ERCC3: variants seen among roughly 807,000 people sequenced by gnomAD.
The protein encoded by ERCC3 is ERCC excision repair 3, TFIIH core complex helicase subunit.
ERCC3 carries 66 observed loss-of-function variants against 94.2 expected under a neutral mutation model. That is an observed-to-expected ratio of 0.70 (90% CI 0.57 to 0.86). The LOEUF is 0.86. Ranked by LOEUF, ERCC3 falls within the 40% of genes least tolerant of loss-of-function variation. ERCC3 has a pLI of 0.00. For synonymous variants in ERCC3, 349 were observed against 369.1 expected, an observed-to-expected ratio of 0.95 and a Z score of 0.63; for missense variants, 829 against 987.1, an observed-to-expected ratio of 0.84 and a Z score of 2.15.
At chr2:127,269,329 C>T (rs1395199118) in intron 12 of ERCC3, among the ~76,000 whole-genome samples, 1 of 151,578 alleles carries the variant, frequency 6.6e-6, no homozygotes, top group Non-Finnish European at 1.5e-5. Context: ...GTAATTGTTT[C>T]TCAAATCTTA....
At chr2:127,272,808 C>T in intron 11 of ERCC3, 57 bp downstream of exon 11, 1 of 1,020,658 alleles carries the variant, frequency 9.8e-7, no homozygotes, top group Non-Finnish European at 1.6e-6. Flanking sequence ...TCATAGTGTA[C>T]CCCCCAGGTC....
chr2:127,266,880 C>T (rs368035910), intron 12 of ERCC3, among the ~76,000 whole-genome samples: 2 of 151,796 alleles, frequency 1.3e-5, no homozygotes, highest in East Asian at 3.9e-4. Context: ...CCACACTCAG[C>T]TAATTTTTGT....
rs1201322300 is a variant in ERCC3, at chr2:127,280,924, G to A, written c.1343-293C>T. 1 of 505,862 alleles carries A rather than the reference G, an allele frequency of 2.0e-6. No homozygotes were observed. The highest frequency in any genetic ancestry group is 1.9e-5 in the African/African-American group (1 of 51,708). The allele number at this position is 505,862 out of a possible 1,614,324, so 31.3% of individuals were successfully genotyped here. On this transcript the variant is annotated intron_variant, in intron 8 of 14. Coordinates refer to ENST00000285398, the MANE Select transcript of ERCC3 (RefSeq NM_000122.2). This position sits in a 1 kb window ranked among gnomAD's most constrained non-coding sequence, Gnocchi z 6.3. ...CTTGGGTTTCAGGACCACAGAAGCT[G>A]GCTCTAGACAAGAATGACTAGGCAA...
chr2:127,293,812 C>T, intron 1 of ERCC3, 94 bp from the exon 2 acceptor site: 1 of 1,598,996 alleles, frequency 6.3e-7, no homozygotes, highest in Middle Eastern at 1.8e-4. Flanking sequence ...GCCGCAAACT[C>T]CTAGCTAAGA....
At position 127,264,053 on chromosome 2, in the gene ERCC3, A is replaced by G. The variant is rs72845943; in HGVS notation, c.1946-2707T>C. Among the ~76,000 whole-genome samples, 13,945 of 152,202 alleles carry G rather than the reference A, an allele frequency of 0.092. 1,058 individuals are homozygous for G. The highest frequency in any genetic ancestry group is 0.21 in the African/African-American group (8,813 of 41,496). ...AAGGGAATGCTTCCAGCTTTTGCTT[A>G]CTTAGTATGATGTTGGCTGTGAGTT... is the stretch of plus-strand genomic sequence containing the variant. On this transcript the variant is annotated intron_variant, in intron 12 of 14. Transcript: ENST00000285398. This position sits in a 1 kb window ranked among gnomAD's most constrained non-coding sequence, Gnocchi z 4.4.
chr2:127,285,526 A>C (rs1685036667), intron 8 of ERCC3, among the ~76,000 whole-genome samples: 1 of 152,142 alleles, frequency 6.6e-6, no homozygotes, highest in Non-Finnish European at 1.5e-5. Context: ...CCCTGTCTCT[A>C]CTAAAAATAT....
intron 7 of ERCC3, 86 bp from the exon 8 acceptor site, chr2:127,287,103 T>C (rs1427024120): frequency 3.9e-6 from 4 of 1,026,720 alleles, no homozygotes; most frequent in East Asian, 4.9e-5. Flanking sequence ...AGTACAGCAA[T>C]CTAGGAAAAT....
chr2:127,267,759 G>C (rs143737814), intron 12 of ERCC3, among the ~76,000 whole-genome samples: 20 of 152,202 alleles, frequency 1.3e-4, no homozygotes, highest in African/African-American at 4.6e-4. Context: ...TCATTTCCAT[G>C]TTTAGAACTC....
At position 127,277,023 on chromosome 2, in the gene ERCC3, C is replaced by T. The variant is rs1684753640; in HGVS notation, c.1730+2150G>A. ...GTCTCCAAAGCTTCTCCTCCTACAT[C>T]CCTTCTCTCAGGAACCTACTGGAAC... On this transcript the variant is annotated intron_variant, in intron 10 of 14. Transcript: ENST00000285398. This position sits in a 1 kb window ranked among gnomAD's most constrained non-coding sequence, Gnocchi z 5.1. Among the ~76,000 whole-genome samples the T allele has an allele frequency of 6.6e-6, 1 of 152,200 alleles. No homozygotes were observed. Among genetic ancestry groups the T allele is most frequent in the African/African-American group, 2.4e-5 (1 of 41,456 alleles).
Position 127,279,099 on chromosome 2 carries a change from C to T in ERCC3, c.1730+74G>A. ...CTGAGAGAAAAACAAAAAAACAAAACAACAGCCACCTTCTGCACTCTCAAT... is the reference window on the plus strand; with the variant it reads ...CTGAGAGAAAAACAAAAAAACAAAATAACAGCCACCTTCTGCACTCTCAAT... On this transcript the variant is annotated intron_variant, in intron 10 of 14. Transcript: ENST00000285398. The surrounding 1 kb of genome is among the most constrained non-coding windows in gnomAD (Gnocchi z 4.7). 1 of 1,025,316 alleles carries T rather than the reference C, an allele frequency of 9.8e-7. No homozygotes were observed. 63.5% of individuals were successfully genotyped at this position (1,025,316 alleles called of 1,614,324 possible).
chr2:127,271,585 C>T lies in ERCC3; in HGVS notation c.1828-132G>A, dbSNP rs910362857. 1.4e-6 allele frequency: 1 copy of T among 725,912 alleles called. No individual in the cohort carries two copies. Among genetic ancestry groups the T allele is most frequent in the Non-Finnish European group, 2.4e-6 (1 of 412,360 alleles). 45.0% of individuals were successfully genotyped at this position (725,912 alleles called of 1,614,324 possible). A position where few individuals can be genotyped will look rare whatever the true frequency, so the allele number is the denominator to read the frequency against. Reference sequence around the variant, plus strand: ...TTCTCCTCTTTATACCAGGGTCTATCTGATGCAGGCAGAGAGAGGTGAAGC... The same window carrying T: ...TTCTCCTCTTTATACCAGGGTCTATTTGATGCAGGCAGAGAGAGGTGAAGC... On this transcript the variant is annotated intron_variant, in intron 11 of 14. Coordinates refer to ENST00000285398, the MANE Select transcript of ERCC3 (RefSeq NM_000122.2). The surrounding 1 kb of genome is among the most constrained non-coding windows in gnomAD (Gnocchi z 5.0).
chr2:127,286,036 T>C (rs1240676890), intron 8 of ERCC3, among the ~76,000 whole-genome samples: 3 of 152,076 alleles, frequency 2.0e-5, no homozygotes, highest in African/African-American at 4.8e-5. Flanking sequence ...CTATTACATA[T>C]TGACTAAGGA....
chr2:127,279,453 T>A lies in ERCC3; in HGVS notation c.1528-78A>T, dbSNP rs1039817605. 1 of 1,106,430 alleles carries A rather than the reference T, an allele frequency of 9.0e-7. No individual in the cohort carries two copies. Among genetic ancestry groups the A allele is most frequent in the Admixed American group, 1.7e-5 (1 of 57,668 alleles). The allele number at this position is 1,106,430 out of a possible 1,614,324, so 68.5% of individuals were successfully genotyped here. On this transcript the variant is annotated intron_variant, in intron 9 of 14. Transcript: ENST00000285398. The surrounding 1 kb of genome is among the most constrained non-coding windows in gnomAD (Gnocchi z 4.7). ...TTTAAAACTTTTGAAGACCTTTCTCTAGCAGAATTAGCTTTAAAACAAAAC... is the reference window on the plus strand; with the variant it reads ...TTTAAAACTTTTGAAGACCTTTCTCAAGCAGAATTAGCTTTAAAACAAAAC...
chr2:127,257,567 G>T lies in ERCC3; in HGVS notation c.*29C>A. On this transcript the variant is annotated 3_prime_UTR_variant, in exon 15 of 15. Coordinates refer to ENST00000285398, the MANE Select transcript of ERCC3 (RefSeq NM_000122.2). This position sits in a 1 kb window ranked among gnomAD's most constrained non-coding sequence, Gnocchi z 5.4. ...CTTTCCAACAAGGGTGCCAAGCGCC[G>T]GTCTTGAACGAAGTACCCTGCCTAA... The T allele has an allele frequency of 6.2e-7, 1 of 1,612,822 alleles. No homozygotes were observed. Among genetic ancestry groups the T allele is most frequent in the Non-Finnish European group, 8.5e-7 (1 of 1,179,868 alleles).
rs1232856265 is a variant in ERCC3, at chr2:127,261,248, C to T, written c.2044G>A (p.Asp682Asn). Residue 682 changes from aspartate to asparagine, a missense_variant, in exon 13 of 15, where the codon GAT becomes AAT. Physicochemically the swap from Asp to Asn is conservative, Grantham distance 23. Transcript: ENST00000285398. Reference sequence around the variant, plus strand: ...TGTACCTTGAAGCTATAACCTTGATCTACCAAGAATCTCTGCCGCTTGGTT... The same window carrying T: ...TGTACCTTGAAGCTATAACCTTGATTTACCAAGAATCTCTGCCGCTTGGTT... ...YSTKRQRFLV[D>N]QGYSFKVITK... 1.9e-6 allele frequency: 3 copies of T among 1,610,070 alleles called. No homozygotes were observed. The East Asian group carries it at 6.7e-5, about 36-fold the overall frequency.
intron 12 of ERCC3, among the ~76,000 whole-genome samples, chr2:127,269,243 T>TTGA: frequency 6.6e-6 from 1 of 152,272 alleles, no homozygotes; most frequent in East Asian, 1.9e-4. Context: ...CCTGAAAGAC[T>TTGA]TGATCCTTCA....
Position 127,286,983 on chromosome 2 carries a change from T to G in ERCC3, c.1062A>C (p.Ala354=). ...CCAGACAGCGTTTTCTGACAGTGCATGCAGCAGTCACACCAACCAGGGACT... is the reference window on the plus strand; with the variant it reads ...CCAGACAGCGTTTTCTGACAGTGCAGGCAGCAGTCACACCAACCAGGGACT... The part of the protein sequence containing the change: ...AGKSLVGVTA[A]CTVRKRCLVL... Residue 354 remains alanine (A), a synonymous_variant, in exon 8 of 15, where the codon GCA becomes GCC. Transcript: ENST00000285398. The G allele has an allele frequency of 6.2e-7, 1 of 1,613,672 alleles. No homozygotes were observed. The highest frequency in any genetic ancestry group is 8.5e-7 in the Non-Finnish European group (1 of 1,180,016).
At chr2:127,290,660 C>T in intron 3 of ERCC3, 1 of 311,132 alleles carries the variant, frequency 3.2e-6, no homozygotes, top group Non-Finnish European at 6.2e-6. Context: ...AAAGCCTCTT[C>T]ACCAATGCTC....
rs1409960937 is a variant in ERCC3, at chr2:127,264,170, A to G, written c.1946-2824T>C. Among the ~76,000 whole-genome samples, 2 of 152,162 alleles carry G rather than the reference A, an allele frequency of 1.3e-5. No homozygotes were observed. The highest frequency in any genetic ancestry group is 1.5e-5 in the Non-Finnish European group (1 of 68,032). Reference sequence around the variant, plus strand: ...ATGAAGGAATGTTGAATTTTATCAAAAGCTCTTTCTGGGCTGGGCGCAGTG... The same window carrying G: ...ATGAAGGAATGTTGAATTTTATCAAGAGCTCTTTCTGGGCTGGGCGCAGTG... On this transcript the variant is annotated intron_variant, in intron 12 of 14. Coordinates refer to ENST00000285398, the MANE Select transcript of ERCC3 (RefSeq NM_000122.2). The surrounding 1 kb of genome is among the most constrained non-coding windows in gnomAD (Gnocchi z 4.4).
Sources: allele counts gnomAD v4.1 joint callset (sites outside exome capture counted in the v4.1 genomes callset), GRCh38; gene constraint gnomAD v4.1.1; non-coding constraint Gnocchi (gnomAD v3.1); transcripts MANE v1.5; gene names NCBI Gene and HGNC (gene_info 2026-07-23, HGNC 2026-07-21).